Variants in DVL3 observed in about 807,000 individuals in gnomAD.
DVL3 encodes the protein dishevelled segment polarity protein 3.
Under a neutral mutation model 67.4 loss-of-function variants are expected in DVL3, and 27 were observed. The ratio of observed to expected loss-of-function variants is 0.40; its 90% CI spans 0.30 to 0.55. The LOEUF (loss-of-function observed/expected upper bound fraction) is 0.55, where lower values mean the gene tolerates loss of function less well. Ranked by LOEUF, DVL3 falls within the 20% of genes least tolerant of loss-of-function variation. DVL3 has a pLI of 0.46. For missense variants in DVL3, 819 were observed against 1,021.5 expected (o/e 0.80, Z 2.70); for synonymous variants, 369 against 396.8 (o/e 0.93, Z 0.83).
At chr3:184,162,867 A>T (rs539850570) in intron 1 of DVL3, among the ~76,000 whole-genome samples, 1 of 152,194 alleles carries the variant, frequency 6.6e-6, no homozygotes, top group Admixed American at 6.5e-5. Flanking sequence ...AGGGTGTGGA[A>T]TGTGGTCACG....
rs1560117710 is a variant in DVL3, at chr3:184,164,355, G to A, written c.320G>A (p.Gly107Glu). The A allele has an allele frequency of 6.2e-7, 1 of 1,614,092 alleles. No individual in the cohort carries two copies. The highest frequency in any genetic ancestry group is 8.5e-7 in the Non-Finnish European group (1 of 1,179,996). ...SELPPPMERTGGIGDSRPPSF... is the reference protein window; with the variant it reads ...SELPPPMERTEGIGDSRPPSF... Reference sequence around the variant, plus strand: ...CTGCCACCACCTATGGAGCGCACGGGAGGCATCGGGGACTCCCGACCCCCA... The same window carrying A: ...CTGCCACCACCTATGGAGCGCACGGAAGGCATCGGGGACTCCCGACCCCCA... Residue 107 changes from glycine to glutamate, a missense_variant, in exon 3 of 15, where the codon GGA (glycine) becomes GAA (glutamate). Around this residue, in one of 3 missense-constraint regions of DVL3, gnomAD observed 385 missense variants for 486.8 expected, o/e 0.79. Transcript: ENST00000313143. This position sits in a 1 kb window ranked among gnomAD's most constrained non-coding sequence, Gnocchi z 5.3.
At chr3:184,157,928 C>T (rs1350410101) in intron 1 of DVL3, among the ~76,000 whole-genome samples, 2 of 152,188 alleles carry the variant, frequency 1.3e-5, no homozygotes, top group African/African-American at 2.4e-5. Context: ...ATTTAACACA[C>T]GCCTTTTATG....
chr3:184,167,015 G>C lies in DVL3; in HGVS notation c.1198+40G>C, dbSNP rs747091090. ...CTGTCTCCTGGGCCCAGCAGACAGG[G>C]CCAGGTGGGGGGACTGATGAGGGTC... On this transcript the variant is annotated intron_variant, in intron 11 of 14. Transcript: ENST00000313143. The surrounding 1 kb of genome is among the most constrained non-coding windows in gnomAD (Gnocchi z 4.6). 3 of 1,607,420 alleles carry C rather than the reference G, an allele frequency of 1.9e-6. No individual in the cohort carries two copies. Among genetic ancestry groups the C allele is most frequent in the Non-Finnish European group, 2.6e-6 (3 of 1,175,624 alleles).
Position 184,167,400 on chromosome 3 carries a change from C to T in DVL3, c.1199-180C>T, listed in dbSNP as rs1237656973. ...TTATTTAATCCTTTATTCAAATAGCCTTGTAAAGTAGATATTAAAATCCCC... is the reference window on the plus strand; with the variant it reads ...TTATTTAATCCTTTATTCAAATAGCTTTGTAAAGTAGATATTAAAATCCCC... On this transcript the variant is annotated intron_variant, in intron 11 of 14. Transcript: ENST00000313143. This position sits in a 1 kb window ranked among gnomAD's most constrained non-coding sequence, Gnocchi z 4.6. Among the ~76,000 whole-genome samples, 9 of 152,164 alleles carry T rather than the reference C, an allele frequency of 5.9e-5. No homozygotes were observed. The highest frequency in any genetic ancestry group is 5.9e-4 in the Admixed American group (9 of 15,278).
In DVL3 at chr3:184,165,281, T is replaced by C. The variant is rs1306625979; in HGVS notation, c.693+75T>C. 3.2e-6 allele frequency: 5 copies of C among 1,540,734 alleles called. No individual in the cohort carries two copies. In the African/African-American group the frequency reaches 5.5e-5, roughly 17 times the overall value. On this transcript the variant is annotated intron_variant, in intron 6 of 14. Coordinates refer to ENST00000313143, the MANE Select transcript of DVL3 (RefSeq NM_004423.4). The surrounding 1 kb of genome is among the most constrained non-coding windows in gnomAD (Gnocchi z 4.1). ...TCCTACGCAGGGCCAAGGCTTGTTC[T>C]TCCTTAGATCCCATCCCCCTAGTGC...
At chr3:184,162,345 T>G (rs1714410762) in intron 1 of DVL3, among the ~76,000 whole-genome samples, 1 of 151,766 alleles carries the variant, frequency 6.6e-6, no homozygotes, top group African/African-American at 2.4e-5. Context: ...GCTCGGCTAA[T>G]TTTTGTATTT....
rs759770862 is a variant in DVL3, at chr3:184,170,244, G to C, written c.1714+23G>C. 1 of 1,610,658 alleles carries C rather than the reference G, an allele frequency of 6.2e-7. No individual in the cohort carries two copies. Among genetic ancestry groups the C allele is most frequent in the East Asian group, 2.2e-5 (1 of 44,800 alleles). ...AAGGTAAGGTAGAGGGGCCGTGGAGGAAGGCTATAGGTGGGCCCCAGGCTT... is the reference window on the plus strand; with the variant it reads ...AAGGTAAGGTAGAGGGGCCGTGGAGCAAGGCTATAGGTGGGCCCCAGGCTT... On this transcript the variant is annotated intron_variant, in intron 14 of 14. Coordinates refer to ENST00000313143, the MANE Select transcript of DVL3 (RefSeq NM_004423.4). This position sits in a 1 kb window ranked among gnomAD's most constrained non-coding sequence, Gnocchi z 6.5.
rs1487213688 is a variant in DVL3 at position 184,163,048 on chromosome 3, G to A, written c.162-609G>A. On this transcript the variant is annotated intron_variant, in intron 1 of 14. Coordinates refer to ENST00000313143, the MANE Select transcript of DVL3 (RefSeq NM_004423.4). The surrounding 1 kb of genome is among the most constrained non-coding windows in gnomAD (Gnocchi z 4.5). ...TAGATGGGTGCACACCACCACACCC[G>A]GCTAATTTTTGTATTTTTAGTAGAG... is the stretch of plus-strand genomic sequence containing the variant. Among the ~76,000 whole-genome samples the A allele has an allele frequency of 2.6e-5, 4 of 152,024 alleles. No individual in the cohort carries two copies. The highest frequency in any genetic ancestry group is 1.3e-4 in the Admixed American group (2 of 15,258).
At position 184,172,258 on chromosome 3, in the gene DVL3, T is replaced by G. The variant is rs1714870483; in HGVS notation, c.*1503T>G. 1 of 152,250 alleles carries G rather than the reference T, an allele frequency of 6.6e-6. No homozygotes were observed. Among genetic ancestry groups the G allele is most frequent in the Non-Finnish European group, 1.5e-5 (1 of 68,066 alleles). 9.4% of individuals were successfully genotyped at this position (152,250 alleles called of 1,614,324 possible). ...CCAGACAGAGTACCAGGTTTTATTT[T>G]TCACCTTATTCTCTACTTTAAACAA... On this transcript the variant is annotated 3_prime_UTR_variant, in exon 15 of 15. Coordinates refer to ENST00000313143, the MANE Select transcript of DVL3 (RefSeq NM_004423.4).
chr3:184,168,960 G>C (rs564959430), intron 13 of DVL3, among the ~76,000 whole-genome samples: 155 of 152,268 alleles, frequency 1.0e-3, no homozygotes, highest in African/African-American at 3.6e-3. Flanking sequence ...GCCTGGCTGG[G>C]AACGGGGTGG....
At chr3:184,162,560 C>CTTTTTTTTTTTT (rs35869796) in intron 1 of DVL3, among the ~76,000 whole-genome samples, 6 of 123,540 alleles carry the variant, frequency 4.9e-5, no homozygotes, top group Non-Finnish European at 6.6e-5. Context: ...TTTTTCTTTT[C>CTTTTTTTTTTTT]TTTTTTTTTT....
Position 184,164,596 on chromosome 3 carries a change from A to G in DVL3, c.458A>G (p.Glu153Gly), listed in dbSNP as rs757326449. The G allele has an allele frequency of 1.3e-6, 2 of 1,554,472 alleles. No individual in the cohort carries two copies. Among genetic ancestry groups the G allele is most frequent in the Admixed American group, 3.7e-5 (2 of 53,374 alleles). ...RERPRRRDGP[E>G]HATRLNGTAK... is the part of the protein sequence containing the mutation. ...CGGCCACGCCGGAGGGATGGCCCAG[A>G]GCATGGTATATCTTCCTGAACACGG... Residue 153 changes from glutamate (E) to glycine (G), a missense_variant, in exon 4 of 15, where the codon GAG becomes GGG. Physicochemically the swap from Glu to Gly is moderately conservative, Grantham distance 98 (BLOSUM62 -2). Coordinates refer to ENST00000313143, the MANE Select transcript of DVL3 (RefSeq NM_004423.4). The surrounding 1 kb of genome is among the most constrained non-coding windows in gnomAD (Gnocchi z 5.3).
chr3:184,161,791 G>A (rs949263315), intron 1 of DVL3, among the ~76,000 whole-genome samples: 13 of 152,224 alleles, frequency 8.5e-5, no homozygotes, highest in African/African-American at 3.1e-4. Flanking sequence ...ACAGTGGAAA[G>A]AGTATGGATT....
chr3:184,168,739 C>G (rs1177803783), intron 13 of DVL3, among the ~76,000 whole-genome samples: 1 of 152,196 alleles, frequency 6.6e-6, no homozygotes, highest in Non-Finnish European at 1.5e-5. Flanking sequence ...TTGTAGCTCT[C>G]TTGGAGCTCT....
rs373066030 is a variant in DVL3 at position 184,164,395 on chromosome 3, G to A, written c.353+7G>A. On this transcript the variant is annotated splice_region_variant and intron_variant, in intron 3 of 14. Transcript: ENST00000313143. The surrounding 1 kb of genome is among the most constrained non-coding windows in gnomAD (Gnocchi z 5.3). ...CCCGACCCCCATCCTTCCAGTGAGT[G>A]TGACCTGAGGGTGGGGAGGGCCGCA... 220 of 1,612,800 alleles carry A rather than the reference G, an allele frequency of 1.4e-4. No homozygotes were observed. Among genetic ancestry groups the A allele is most frequent in the Non-Finnish European group, 1.8e-4 (210 of 1,179,352 alleles).
At position 184,171,112 on chromosome 3, in the gene DVL3, C is replaced by G. The variant is rs575260877; in HGVS notation, c.*357C>G. On this transcript the variant is annotated 3_prime_UTR_variant, in exon 15 of 15. Coordinates refer to ENST00000313143, the MANE Select transcript of DVL3 (RefSeq NM_004423.4). ...AGCAATGACCTTGGTGGCACGCTCACTCCCTCATTCTCTCGTTTCCCCTTT... is the reference window on the plus strand; with the variant it reads ...AGCAATGACCTTGGTGGCACGCTCAGTCCCTCATTCTCTCGTTTCCCCTTT... The G allele has an allele frequency of 4.2e-5, 51 of 1,211,454 alleles. No homozygotes were observed. The African/African-American group carries it at 7.3e-4, about 17-fold the overall frequency. 75.0% of individuals were successfully genotyped at this position (1,211,454 alleles called of 1,614,324 possible).
Position 184,167,538 on chromosome 3 carries a change from C to T in DVL3, c.1199-42C>T. ...ATGCAAACTCTTGTTTACCTAACTC[C>T]AAAGCCCCTTTCTGCCTCACCATTC... is the stretch of plus-strand genomic sequence containing the variant. On this transcript the variant is annotated intron_variant, in intron 11 of 14. Transcript: ENST00000313143. This position sits in a 1 kb window ranked among gnomAD's most constrained non-coding sequence, Gnocchi z 4.6. 1 of 1,596,276 alleles carries T rather than the reference C, an allele frequency of 6.3e-7. No homozygotes were observed. Among genetic ancestry groups the T allele is most frequent in the Non-Finnish European group, 8.5e-7 (1 of 1,169,848 alleles).
chr3:184,164,409 G>C lies in DVL3; in HGVS notation c.353+21G>C, dbSNP rs780884904. On this transcript the variant is annotated intron_variant, in intron 3 of 14. Coordinates refer to ENST00000313143, the MANE Select transcript of DVL3 (RefSeq NM_004423.4). This position sits in a 1 kb window ranked among gnomAD's most constrained non-coding sequence, Gnocchi z 5.3. ...TTCCAGTGAGTGTGACCTGAGGGTG[G>C]GGAGGGCCGCATCAGTTCAGCCCAG... 4 of 1,611,584 alleles carry C rather than the reference G, an allele frequency of 2.5e-6. No homozygotes were observed.
Position 184,170,325 on chromosome 3 carries a change from G to A in DVL3, c.1721G>A (p.Arg574Gln), listed in dbSNP as rs1213280551. 1.9e-6 allele frequency: 3 copies of A among 1,600,548 alleles called. No individual in the cohort carries two copies. The highest frequency in any genetic ancestry group is 2.6e-6 in the Non-Finnish European group (3 of 1,173,714). The change falls in exon 15 of 15, where the codon CGG becomes CAG. Residue 574 changes from arginine (R) to glutamine (Q), a missense_variant. By Grantham distance (43) the Arg-to-Gln change is conservative. Coordinates refer to ENST00000313143, the MANE Select transcript of DVL3 (RefSeq NM_004423.4). The surrounding 1 kb of genome is among the most constrained non-coding windows in gnomAD (Gnocchi z 6.5). ...SASSQHSEGS[R>Q]SSGSNRSGSD... ...CCCTGTTTGCCTCCTACAGGCAGTC[G>A]GAGCAGTGGCTCCAACCGTAGCGGC...
Sources: allele counts gnomAD v4.1 joint callset (sites outside exome capture counted in the v4.1 genomes callset), GRCh38; gene constraint gnomAD v4.1.1; regional missense constraint gnomAD v4.1.1; non-coding constraint Gnocchi (gnomAD v3.1); transcripts MANE v1.5; gene names NCBI Gene and HGNC (gene_info 2026-07-23, HGNC 2026-07-21).